The following EFHD1 variants were observed in gnomAD, a reference collection of about 807,000 sequenced individuals.
The protein encoded by EFHD1 is EF-hand domain-containing protein D1.
EFHD1 carries 10 observed loss-of-function variants against 17.2 expected under a neutral mutation model. The observed-to-expected ratio is 0.58, with a 90% CI of 0.36 to 0.99. EFHD1 has a LOEUF of 0.99. Ranked by LOEUF, EFHD1 falls within the 50% of genes least tolerant of loss-of-function variation. The pLI, the probability that EFHD1 is intolerant of heterozygous loss-of-function variation, is 0.01. For missense variants in EFHD1, 310 were observed against 327.5 expected (o/e 0.95, Z 0.41); for synonymous variants, 153 against 142.0 (o/e 1.08, Z -0.55).
chr2:232,675,598 G>A (rs992171101), intron 3 of EFHD1, among the ~76,000 whole-genome samples: 5 of 152,320 alleles, frequency 3.3e-5, no homozygotes, highest in Admixed American at 2.6e-4. Context: ...ATGCACAGCC[G>A]CAGGTGCAGG....
At chr2:232,628,505 G>A (rs963112628) in intron 1 of EFHD1, among the ~76,000 whole-genome samples, 1 of 152,224 alleles carries the variant, frequency 6.6e-6, no homozygotes, top group African/African-American at 2.4e-5. Flanking sequence ...GATGAAAGCA[G>A]CCCTGGGGTT....
At chr2:232,612,010 G>C (rs2106181452) in intron 1 of EFHD1, 1 of 152,320 alleles carries the variant, frequency 6.6e-6, no homozygotes, top group South Asian at 2.1e-4. Context: ...AGCAGACATG[G>C]ATTATGATGT....
At chr2:232,676,671 G>A (rs1036719242) in intron 3 of EFHD1, among the ~76,000 whole-genome samples, 2 of 152,158 alleles carry the variant, frequency 1.3e-5, no homozygotes, top group Non-Finnish European at 2.9e-5. Flanking sequence ...ATAGACCACA[G>A]GAGCTAACTT....
chr2:232,607,784 A>AT (rs36119913), intron 1 of EFHD1, among the ~76,000 whole-genome samples: 109 of 147,148 alleles, frequency 7.4e-4, no homozygotes, highest in East Asian at 7.2e-3. Context: ...ACAGGCTAAA[A>AT]TTTTTTTTTT....
At chr2:232,669,601 G>C (rs970196488) in intron 2 of EFHD1, among the ~76,000 whole-genome samples, 1 of 132,656 alleles carries the variant, frequency 7.5e-6, no homozygotes, top group Non-Finnish European at 1.6e-5. Flanking sequence ...TTTTGAGAAG[G>C]CTTTTTTTTT....
At chr2:232,640,165 T>C (rs1694402171) in intron 1 of EFHD1, among the ~76,000 whole-genome samples, 1 of 152,214 alleles carries the variant, frequency 6.6e-6, no homozygotes, top group South Asian at 2.1e-4. Context: ...ACCTGACCTG[T>C]GGTCAATGAC....
chr2:232,609,679 C>T (rs1693777446), intron 1 of EFHD1, among the ~76,000 whole-genome samples: 1 of 152,188 alleles, frequency 6.6e-6, no homozygotes, highest in Non-Finnish European at 1.5e-5. Context: ...TCCCAAAGGC[C>T]TCCTGCTCCT....
At chr2:232,607,116 C>T (rs1471266300) in intron 1 of EFHD1, among the ~76,000 whole-genome samples, 6 of 151,750 alleles carry the variant, frequency 4.0e-5, no homozygotes, top group Non-Finnish European at 7.4e-5. Context: ...CTCAGCCTCC[C>T]GAAGTGCTGG....
At chr2:232,635,675 CG>C (rs1559343355) in intron 1 of EFHD1, among the ~76,000 whole-genome samples, 2 of 152,142 alleles carry the variant, frequency 1.3e-5, no homozygotes, top group East Asian at 3.9e-4. Context: ...AAGAATTAGC[CG>C]GGAGTGGTGG....
upstream of EFHD1, among the ~76,000 whole-genome samples, chr2:232,631,394 G>C (rs965302027): frequency 6.6e-6 from 1 of 151,594 alleles, no homozygotes; most frequent in African/African-American, 2.4e-5. Flanking sequence ...TCCACCTCCC[G>C]GGCCCAAGTG....
intron 3 of EFHD1, among the ~76,000 whole-genome samples, chr2:232,675,164 C>T (rs1285233556): frequency 3.0e-5 from 4 of 132,628 alleles, no homozygotes; most frequent in Admixed American, 1.7e-4. Flanking sequence ...TGACAGAGCA[C>T]GACTCCACCT....
At chr2:232,646,276 G>A (rs767374395) in intron 1 of EFHD1, among the ~76,000 whole-genome samples, 2 of 151,990 alleles carry the variant, frequency 1.3e-5, no homozygotes, top group Non-Finnish European at 2.9e-5. Context: ...GGCTGTCACA[G>A]TCTTCTCTCT....
At chr2:232,625,458 A>G (rs563788822) in intron 1 of EFHD1, among the ~76,000 whole-genome samples, 14 of 152,284 alleles carry the variant, frequency 9.2e-5, no homozygotes, top group Admixed American at 6.5e-4. Flanking sequence ...TTGAAGCAAT[A>G]TATGCATGCC....
intron 1 of EFHD1, among the ~76,000 whole-genome samples, chr2:232,637,016 G>A (rs547409599): frequency 8.7e-4 from 132 of 152,226 alleles, no homozygotes; most frequent in South Asian, 6.2e-3. Flanking sequence ...GAAGGAACTC[G>A]TTAGCTCCTC....
In EFHD1 at chr2:232,681,773, G is replaced by A; in HGVS notation, c.*54G>A. 6.3e-7 allele frequency: 1 copy of A among 1,586,440 alleles called. No individual in the cohort carries two copies. The highest frequency in any genetic ancestry group is 8.6e-7 in the Non-Finnish European group (1 of 1,166,384). On this transcript the variant is annotated 3_prime_UTR_variant, in exon 4 of 4. Coordinates refer to ENST00000264059, the MANE Select transcript of EFHD1 (RefSeq NM_025202.4). ...CTGTGCCTCACAGATGCCCCGAGAA[G>A]AGATGACTAGGCATCTTCATCACTG... is the stretch of plus-strand genomic sequence containing the variant.
intron 1 of EFHD1, chr2:232,606,302 G>A: frequency 1.8e-6 from 2 of 1,123,588 alleles, no homozygotes. Flanking sequence ...GGGCACTCCC[G>A]GCCCTCGCTT....
At chr2:232,624,729 G>A (rs1694077431) in intron 1 of EFHD1, among the ~76,000 whole-genome samples, 1 of 152,250 alleles carries the variant, frequency 6.6e-6, no homozygotes, top group Non-Finnish European at 1.5e-5. Flanking sequence ...GAGGAAAGGT[G>A]AAGTCATTGA....
At chr2:232,658,994 C>T (rs1449361247) in intron 1 of EFHD1, among the ~76,000 whole-genome samples, 1 of 152,056 alleles carries the variant, frequency 6.6e-6, no homozygotes, top group East Asian at 1.9e-4. Flanking sequence ...GAAATTGTTG[C>T]TTCCCTTCTT....
intron 1 of EFHD1, among the ~76,000 whole-genome samples, chr2:232,625,390 T>C (rs1694089403): frequency 6.6e-6 from 1 of 152,036 alleles, no homozygotes; most frequent in Middle Eastern, 3.4e-3. Context: ...TCCTCCGACA[T>C]TGGCCTCCCA....
Sources: gnomAD v4.1 joint callset for allele counts (sites outside exome capture counted in the v4.1 genomes callset) on GRCh38, gnomAD v4.1.1 for gene constraint, MANE v1.5 for transcripts, NCBI Gene and HGNC (gene_info 2026-07-23, HGNC 2026-07-21) for gene names.